Variants in SLC8A1 observed in about 807,000 individuals in gnomAD.
SLC8A1 encodes the protein solute carrier family 8 member A1, also known as sodium/calcium exchanger 1.
Under a neutral mutation model 68.3 loss-of-function variants are expected in SLC8A1, and 18 were observed. The ratio of observed to expected loss-of-function variants is 0.26; its 90% CI spans 0.18 to 0.39. The LOEUF (loss-of-function observed/expected upper bound fraction) is 0.39, where lower values mean the gene tolerates loss of function less well. Among genes scored for constraint, SLC8A1 ranks in the 10% least tolerant of loss-of-function variants. The pLI, the probability that SLC8A1 is intolerant of heterozygous loss-of-function variation, is 1.00. For synonymous variants in SLC8A1, 475 were observed against 415.5 expected (o/e 1.14, Z -1.74); for missense variants, 985 against 1,156.7 (o/e 0.85, Z 2.15).
chr2:40,389,158 A>G (rs1431324800), intron 2 of SLC8A1, among the ~76,000 whole-genome samples: 1 of 152,094 alleles, frequency 6.6e-6, no homozygotes, highest in Non-Finnish European at 1.5e-5. Flanking sequence ...AAATATTTCT[A>G]TTTCAAAGTT....
intron 2 of SLC8A1, among the ~76,000 whole-genome samples, chr2:40,307,818 CA>C (rs1451342955): frequency 6.6e-6 from 1 of 152,054 alleles, no homozygotes; most frequent in East Asian, 1.9e-4. Flanking sequence ...CATAACCTTC[CA>C]GGGGGAAATG....
At chr2:40,155,356 C>G (rs1325433244) in intron 6 of SLC8A1, among the ~76,000 whole-genome samples, 1 of 152,068 alleles carries the variant, frequency 6.6e-6, no homozygotes, top group Non-Finnish European at 1.5e-5. Flanking sequence ...GTCTCCATCT[C>G]CTGACCTCGT....
intron 2 of SLC8A1, among the ~76,000 whole-genome samples, chr2:40,227,764 C>G (rs1022094944): frequency 2.0e-5 from 3 of 151,990 alleles, no homozygotes; most frequent in South Asian, 4.1e-4. Context: ...GGGGTTCTGC[C>G]TTTTTGTCTC....
chr2:40,449,205 T>C (rs1009452006), intron 1 of SLC8A1, among the ~76,000 whole-genome samples: 1 of 150,410 alleles, frequency 6.6e-6, no homozygotes, highest in African/African-American at 2.4e-5. Context: ...CAGACATTAA[T>C]GTCCCAAAAT....
At chr2:40,496,524 A>C (rs984279531) in intron 1 of SLC8A1, among the ~76,000 whole-genome samples, 2 of 152,030 alleles carry the variant, frequency 1.3e-5, no homozygotes, top group Non-Finnish European at 2.9e-5. Context: ...TTGACTTTTA[A>C]AAGGTTATTC....
intron 1 of SLC8A1, among the ~76,000 whole-genome samples, chr2:40,475,975 T>C (rs1012627993): frequency 6.6e-6 from 1 of 152,170 alleles, no homozygotes; most frequent in Non-Finnish European, 1.5e-5. Flanking sequence ...CAAAAGATAA[T>C]AACCTTAACA....
intron 2 of SLC8A1, among the ~76,000 whole-genome samples, chr2:40,320,290 T>G (rs1460687023): frequency 6.6e-6 from 1 of 152,172 alleles, no homozygotes; most frequent in Non-Finnish European, 1.5e-5. Flanking sequence ...ATGTTTTCAT[T>G]AAAATATAGA....
At chr2:40,370,901 A>T (rs9309054) in intron 2 of SLC8A1, among the ~76,000 whole-genome samples, 74,357 of 151,836 alleles carry the variant, frequency 0.49, 18,681 homozygotes, top group African/African-American at 0.56. Flanking sequence ...AAGCTCATGA[A>T]GCCAAGGTCA....
intron 2 of SLC8A1, chr2:40,337,191 A>G (rs1402639387): frequency 9.0e-6 from 2 of 222,164 alleles, no homozygotes; most frequent in African/African-American, 4.4e-5. Flanking sequence ...TGTCAAACAC[A>G]TTTTTTAAGA....
chr2:40,200,195 T>TTA (rs1316275429), intron 2 of SLC8A1, among the ~76,000 whole-genome samples: 5 of 8,844 alleles, frequency 5.7e-4, no homozygotes, highest in Admixed American at 3.5e-3. Flanking sequence ...TATATATTTA[T>TTA]ATATATATAT....
chr2:40,197,432 G>A (rs1026709027), intron 2 of SLC8A1, among the ~76,000 whole-genome samples: 1 of 151,988 alleles, frequency 6.6e-6, no homozygotes, highest in Non-Finnish European at 1.5e-5. Flanking sequence ...TCCTTAGGAA[G>A]TACTTGCCAA....
At chr2:40,219,015 C>G (rs977837565) in intron 2 of SLC8A1, among the ~76,000 whole-genome samples, 6 of 35,038 alleles carry the variant, frequency 1.7e-4, no homozygotes, top group Admixed American at 5.9e-4. Context: ...CTCTGTAACA[C>G]TCAAAGTCAA....
intron 2 of SLC8A1, among the ~76,000 whole-genome samples, chr2:40,278,903 A>AT (rs1405484965): frequency 2.0e-5 from 3 of 152,108 alleles, no homozygotes; most frequent in African/African-American, 7.2e-5. Flanking sequence ...TTACCCTAAA[A>AT]TTTTTTGACT....
chr2:40,198,900 A>G (rs746180572), intron 2 of SLC8A1, among the ~76,000 whole-genome samples: 16 of 151,258 alleles, frequency 1.1e-4, no homozygotes, highest in Non-Finnish European at 1.8e-4. Flanking sequence ...TTGAGCTTTC[A>G]GAGAGATTTT....
At chr2:40,151,204 T>A (rs409620) in intron 6 of SLC8A1, among the ~76,000 whole-genome samples, 1 of 151,994 alleles carries the variant, frequency 6.6e-6, no homozygotes, top group Non-Finnish European at 1.5e-5. Flanking sequence ...TCAAGTGATA[T>A]GAAGTTTGAC....
At chr2:40,492,031 G>A (rs1470955272) in intron 1 of SLC8A1, among the ~76,000 whole-genome samples, 18 of 151,792 alleles carry the variant, frequency 1.2e-4, no homozygotes, top group East Asian at 7.7e-4. Flanking sequence ...AGCCCGCATC[G>A]CCAAGTCAAT....
intron 2 of SLC8A1, among the ~76,000 whole-genome samples, chr2:40,420,737 T>C (rs1695264294): frequency 6.6e-6 from 1 of 152,146 alleles, no homozygotes; most frequent in South Asian, 2.1e-4. Flanking sequence ...TCTCATCTTC[T>C]GAGCAGCTTG....
In SLC8A1 at chr2:40,339,725, G is replaced by A. The variant is rs113749989; in HGVS notation, c.1808+88748C>T. Among the ~76,000 whole-genome samples, 1,237 of 152,230 alleles carry A rather than the reference G, an allele frequency of 8.1e-3. 22 individuals are homozygous for A. Among genetic ancestry groups the A allele is most frequent in the African/African-American group, 0.028 (1,173 of 41,542 alleles). ...TTCCCAGCTCTTACTGATGAATTGA[G>A]GTAAGGGAGTATGAGTTGGGCATTG... On this transcript the variant is annotated intron_variant, in intron 2 of 7. Transcript: ENST00000406785.
At chr2:40,163,174 A>T (rs936854973) in intron 5 of SLC8A1, among the ~76,000 whole-genome samples, 1 of 152,188 alleles carries the variant, frequency 6.6e-6, no homozygotes, top group African/African-American at 2.4e-5. Flanking sequence ...TCAAATGGTC[A>T]GATCATTATA....
Sources: allele counts gnomAD v4.1 joint callset (sites outside exome capture counted in the v4.1 genomes callset), GRCh38; gene constraint gnomAD v4.1.1; transcripts MANE v1.5; gene names NCBI Gene and HGNC (gene_info 2026-07-23, HGNC 2026-07-21).